Variants in CA10 observed in about 807,000 individuals in gnomAD.
CA10 encodes the protein carbonic anhydrase-related protein 10.
In CA10, 14 loss-of-function variants were observed where a neutral mutation model predicts 44.2. That is an observed-to-expected ratio of 0.32 (90% CI 0.21 to 0.50). CA10 has a LOEUF of 0.50. Among genes scored for constraint, CA10 ranks in the 20% least tolerant of loss-of-function variants. CA10 has a pLI of 0.99. For missense variants in CA10, 350 were observed against 409.7 expected, an observed-to-expected ratio of 0.85 and a Z score of 1.26; for synonymous variants, 159 against 141.6, an observed-to-expected ratio of 1.12 and a Z score of -0.87.
intron 3 of CA10, among the ~76,000 whole-genome samples, chr17:51,892,190 T>C (rs892716774): frequency 6.6e-6 from 1 of 152,232 alleles, no homozygotes; most frequent in Admixed American, 6.5e-5. Context: ...GCCGGATTCA[T>C]GGTCCTGTAT....
At chr17:51,659,752 C>T (rs570438681) in intron 4 of CA10, among the ~76,000 whole-genome samples, 1 of 152,326 alleles carries the variant, frequency 6.6e-6, no homozygotes, top group East Asian at 1.9e-4. Context: ...GCCATTATTT[C>T]CATTTGAGTC....
At chr17:51,848,414 T>C (rs528709695) in intron 3 of CA10, among the ~76,000 whole-genome samples, 7 of 152,316 alleles carry the variant, frequency 4.6e-5, no homozygotes, top group Admixed American at 2.0e-4. Context: ...TGTGCCTAAA[T>C]TGGTCTGATA....
chr17:51,712,820 G>T (rs1042704768), intron 4 of CA10, among the ~76,000 whole-genome samples: 3 of 152,236 alleles, frequency 2.0e-5, no homozygotes, highest in Non-Finnish European at 4.4e-5. Context: ...CTCAGACTAT[G>T]TGGAGTGGTT....
At chr17:51,993,645 A>G (rs116596027) in intron 2 of CA10, among the ~76,000 whole-genome samples, 114 of 152,200 alleles carry the variant, frequency 7.5e-4, no homozygotes, top group African/African-American at 2.4e-3. Flanking sequence ...GGAAGAGAAA[A>G]TAACTCAAGG....
At chr17:52,146,402 A>G (rs1236404843) in intron 1 of CA10, among the ~76,000 whole-genome samples, 1 of 152,168 alleles carries the variant, frequency 6.6e-6, no homozygotes, top group Non-Finnish European at 1.5e-5. Flanking sequence ...GTAAAAAAAT[A>G]AAAATAGGCC....
At chr17:51,775,266 C>T (rs1905776286) in intron 3 of CA10, among the ~76,000 whole-genome samples, 1 of 152,166 alleles carries the variant, frequency 6.6e-6, no homozygotes, top group South Asian at 2.1e-4. Context: ...AAGACCTGTC[C>T]TCACTGAGGT....
chr17:51,994,159 C>T (rs1018342906), intron 2 of CA10, among the ~76,000 whole-genome samples: 3 of 152,092 alleles, frequency 2.0e-5, no homozygotes, highest in Admixed American at 6.6e-5. Flanking sequence ...CCGACTCCAT[C>T]AGAAAGAAAA....
chr17:52,056,948 A>T (rs945471887), intron 2 of CA10, among the ~76,000 whole-genome samples: 2 of 152,170 alleles, frequency 1.3e-5, no homozygotes, highest in African/African-American at 4.8e-5. Context: ...GAACTGCTGA[A>T]ATTCAGGAAT....
intron 2 of CA10, among the ~76,000 whole-genome samples, chr17:51,986,576 A>G (rs1384432377): frequency 6.6e-6 from 1 of 152,112 alleles, no homozygotes; most frequent in Non-Finnish European, 1.5e-5. Context: ...CAGACAACCT[A>G]CAGAGTGGGA....
chr17:51,679,724 C>A (rs1278472748), intron 4 of CA10, among the ~76,000 whole-genome samples: 1 of 152,052 alleles, frequency 6.6e-6, no homozygotes, highest in Admixed American at 6.6e-5. Flanking sequence ...AGAGGTGAAG[C>A]CTGTGTTCCT....
At chr17:52,111,067 C>T (rs1454637335) in intron 1 of CA10, among the ~76,000 whole-genome samples, 1 of 152,216 alleles carries the variant, frequency 6.6e-6, no homozygotes, top group Non-Finnish European at 1.5e-5. Flanking sequence ...GCAAAGCCAG[C>T]ATGAATAGCT....
chr17:52,150,211 A>T (rs1989674200), intron 1 of CA10, among the ~76,000 whole-genome samples: 1 of 151,674 alleles, frequency 6.6e-6, no homozygotes, highest in African/African-American at 2.4e-5. Context: ...TTCCACGACA[A>T]CTCTTTAACA....
chr17:52,122,533 C>A (rs540522995), intron 1 of CA10, among the ~76,000 whole-genome samples: 1 of 152,220 alleles, frequency 6.6e-6, no homozygotes, highest in African/African-American at 2.4e-5. Context: ...CTTAAATTTG[C>A]ACCCAAGGCA....
At chr17:51,731,824 CCCA>C (rs1301475173) in intron 4 of CA10, among the ~76,000 whole-genome samples, 3 of 151,832 alleles carry the variant, frequency 2.0e-5, no homozygotes, top group Non-Finnish European at 2.9e-5. Flanking sequence ...ATTACAGACA[CCCA>C]CCACCACACC....
At chr17:52,034,830 C>G (rs763634724) in intron 2 of CA10, among the ~76,000 whole-genome samples, 12 of 152,086 alleles carry the variant, frequency 7.9e-5, no homozygotes, top group Non-Finnish European at 1.8e-4. Context: ...TTGCACAGCT[C>G]AAGTAGGTAG....
intron 1 of CA10, among the ~76,000 whole-genome samples, chr17:52,100,934 T>G (rs1361767712): frequency 6.6e-6 from 1 of 152,232 alleles, no homozygotes; most frequent in Non-Finnish European, 1.5e-5. Context: ...TATGATGCCT[T>G]CTAAATATTT....
chr17:52,154,434 G>A (rs1959440731), intron 1 of CA10, among the ~76,000 whole-genome samples: 1 of 152,150 alleles, frequency 6.6e-6, no homozygotes, highest in African/African-American at 2.4e-5. Context: ...TGACAAAGAA[G>A]TAAAGTTACA....
At chr17:51,812,101 G>A (rs568548342) in intron 3 of CA10, among the ~76,000 whole-genome samples, 37 of 152,156 alleles carry the variant, frequency 2.4e-4, no homozygotes, top group African/African-American at 3.9e-4. Context: ...CAATGGCACC[G>A]CTAAAAGGTT....
chr17:51,869,277 A>G (rs966716392), intron 3 of CA10, among the ~76,000 whole-genome samples: 5 of 152,204 alleles, frequency 3.3e-5, no homozygotes, highest in Non-Finnish European at 7.3e-5. Flanking sequence ...ACCATTTCAA[A>G]TGGACCAGGA....
Sources: allele counts gnomAD v4.1 joint callset (sites outside exome capture counted in the v4.1 genomes callset), GRCh38; gene constraint gnomAD v4.1.1; transcripts MANE v1.5; gene names NCBI Gene and HGNC (gene_info 2026-07-23, HGNC 2026-07-21).